ZNF518B: variants seen among roughly 807,000 people sequenced by gnomAD.
ZNF518B encodes the protein zinc finger protein 518B.
In ZNF518B, 23 loss-of-function variants were observed where a neutral mutation model predicts 56.3. The observed-to-expected ratio is 0.41, with a 90% confidence interval of 0.29 to 0.58. ZNF518B has a LOEUF of 0.58. Among genes scored for constraint, ZNF518B ranks in the 20% least tolerant of loss-of-function variants. The pLI, the probability that ZNF518B is intolerant of heterozygous loss-of-function variation, is 0.32. For missense variants in ZNF518B, 1,460 were observed against 1,272.1 expected (o/e 1.15, Z -2.25); for synonymous variants, 529 against 465.9 (o/e 1.14, Z -1.74).
intron 1 of ZNF518B, among the ~76,000 whole-genome samples, chr4:10,456,613 C>G (rs973843421): frequency 6.6e-6 from 1 of 152,192 alleles, no homozygotes; most frequent in East Asian, 1.9e-4. Flanking sequence ...GGCACGCTCC[C>G]CCGATGGCAG....
chr4:10,443,218 CT>C lies in ZNF518B; in HGVS notation c.3110del (p.Lys1037SerfsTer16). ...CATACAGTCGCCCACAAAACCAGCACTTAAATACACACTGTGAAGAATCATC... is the reference window on the plus strand; with the variant it reads ...CATACAGTCGCCCACAAAACCAGCACTAAATACACACTGTGAAGAATCATC... The part of the protein sequence containing the change: ...LPDDSSQCVF[K>X]CWFCGRLYED... On this transcript the variant is annotated frameshift_variant, in exon 3 of 3. Transcript: ENST00000326756. LOFTEE classifies it high-confidence loss of function. The C allele has an allele frequency of 6.2e-7, 1 of 1,614,218 alleles. No homozygotes were observed. The highest frequency in any genetic ancestry group is 8.5e-7 in the Non-Finnish European group (1 of 1,180,024).
upstream of ZNF518B, among the ~76,000 whole-genome samples, chr4:10,459,421 C>A (rs549569062): frequency 6.6e-5 from 10 of 152,020 alleles, no homozygotes; most frequent in African/African-American, 2.2e-4. Context: ...TCTTCTCCAC[C>A]CCCCAGCTTA....
rs755524959 is a variant in ZNF518B, at chr4:10,445,583, C to T, written c.746G>A (p.Arg249Gln). Residue 249 changes from arginine to glutamine, a missense_variant, in exon 3 of 3, where the codon CGG (arginine) becomes CAG (glutamine). Coordinates refer to ENST00000326756, the MANE Select transcript of ZNF518B (RefSeq NM_053042.3). ...NPELLKASNPRTTFQNKWSDQ... is the reference protein window; with the variant it reads ...NPELLKASNPQTTFQNKWSDQ... ...TGACCACTTATTTTGAAATGTAGTC[C>T]GTGGATTGGAAGCTTTTAGAAGCTC... The T allele has an allele frequency of 3.4e-5, 55 of 1,613,954 alleles. No individual in the cohort carries two copies. Among genetic ancestry groups the T allele is most frequent in the Admixed American group, 2.5e-4 (15 of 59,988 alleles).
rs1714688440 is a variant in ZNF518B at position 10,441,711 on chromosome 4, G to C, written c.*1393C>G. 1 of 152,286 alleles carries C rather than the reference G, an allele frequency of 6.6e-6. No individual in the cohort carries two copies. The highest frequency in any genetic ancestry group is 2.4e-5 in the African/African-American group (1 of 41,464). The allele number at this position is 152,286 out of a possible 1,614,324, so 9.4% of individuals were successfully genotyped here. ...CTGACCCAGCCACCTATCTGCCCAAGAGGCTGTGCTTGTGCAGGGGGTGGG... is the reference window on the plus strand; with the variant it reads ...CTGACCCAGCCACCTATCTGCCCAACAGGCTGTGCTTGTGCAGGGGGTGGG... On this transcript the variant is annotated 3_prime_UTR_variant, in exon 3 of 3. Coordinates refer to ENST00000326756, the MANE Select transcript of ZNF518B (RefSeq NM_053042.3).
intron 2 of ZNF518B, among the ~76,000 whole-genome samples, chr4:10,447,028 T>C (rs1039015993): frequency 1.3e-5 from 2 of 152,232 alleles, no homozygotes; most frequent in Non-Finnish European, 2.9e-5. Flanking sequence ...ACCAACTCTC[T>C]CACTTACATG....
upstream of ZNF518B, among the ~76,000 whole-genome samples, chr4:10,458,005 C>G (rs760798446): frequency 1.3e-5 from 2 of 152,116 alleles, no homozygotes; most frequent in Non-Finnish European, 2.9e-5. Context: ...TTGGGCGTTG[C>G]GAGGGTCAGA....
intron 2 of ZNF518B, chr4:10,450,802 G>A (rs1406781322): frequency 6.6e-6 from 1 of 152,182 alleles, no homozygotes; most frequent in Non-Finnish European, 1.5e-5. Flanking sequence ...CTCAACATCT[G>A]TTGCAAAAGC....
chr4:10,459,351 C>A (rs549245460), upstream of ZNF518B, among the ~76,000 whole-genome samples: 1 of 152,052 alleles, frequency 6.6e-6, no homozygotes, highest in African/African-American at 2.4e-5. Flanking sequence ...CCCTAAAAGT[C>A]TTTTGATGCT....
Position 10,440,856 on chromosome 4 carries a change from C to CAAACAAAACA in ZNF518B, c.*2238_*2247dup, listed in dbSNP as rs1004874706. 6 of 151,814 alleles carry CAAACAAAACA rather than the reference C, an allele frequency of 4.0e-5. No homozygotes were observed. The highest frequency in any genetic ancestry group is 5.9e-5 in the Non-Finnish European group (4 of 67,924). 9.4% of individuals were successfully genotyped at this position (151,814 alleles called of 1,614,324 possible). On this transcript the variant is annotated 3_prime_UTR_variant, in exon 3 of 3. Transcript: ENST00000326756. ...TGAGGAATAGGAGATAAAAAAGTGG[C>CAAACAAAACA]AAACAAAACAAAACAAAAAAAAACC...
At chr4:10,461,148 T>TTAC (rs1715730577), upstream of ZNF518B, among the ~76,000 whole-genome samples, 2 of 152,238 alleles carry the variant, frequency 1.3e-5, no homozygotes, top group South Asian at 2.1e-4. Flanking sequence ...CTTGGCCAAG[T>TTAC]TACTGCCAGT....
chr4:10,443,598 G>C lies in ZNF518B; in HGVS notation c.2731C>G (p.Leu911Val), dbSNP rs763471660. 1.2e-6 allele frequency: 2 copies of C among 1,614,200 alleles called. No homozygotes were observed. Among genetic ancestry groups the C allele is most frequent in the South Asian group, 1.1e-5 (1 of 91,084 alleles). ...ACCTGAAAAATTGAAGGATCCTTGA[G>C]ACAGCGGCTAGGTTCAGCTTGAATT... ...NKIQAEPSRC[L>V]KDPSIFQVAR... Residue 911 changes from leucine (L) to valine (V), a missense_variant, in exon 3 of 3, where the codon CTC becomes GTC. By Grantham distance (32) the Leu-to-Val change is conservative. Coordinates refer to ENST00000326756, the MANE Select transcript of ZNF518B (RefSeq NM_053042.3).
chr4:10,446,203 G>C lies in ZNF518B; in HGVS notation c.126C>G (p.Thr42=). 1 of 1,614,176 alleles carries C rather than the reference G, an allele frequency of 6.2e-7. No individual in the cohort carries two copies. The highest frequency in any genetic ancestry group is 8.5e-7 in the Non-Finnish European group (1 of 1,180,040). ...APRPNRQEAQ[T]LLYQGSEAEA... Reference sequence around the variant, plus strand: ...CTGCCTCTGAGCCTTGATACAAAAGGGTTTGTGCTTCTTGTCTATTTGGCC... The same window carrying C: ...CTGCCTCTGAGCCTTGATACAAAAGCGTTTGTGCTTCTTGTCTATTTGGCC... Residue 42 remains threonine, a synonymous_variant, in exon 3 of 3, where the codon ACC becomes ACG. Coordinates refer to ENST00000326756, the MANE Select transcript of ZNF518B (RefSeq NM_053042.3).
upstream of ZNF518B, among the ~76,000 whole-genome samples, chr4:10,461,317 A>G (rs957137334): frequency 6.6e-6 from 1 of 152,098 alleles, no homozygotes; most frequent in Non-Finnish European, 1.5e-5. Flanking sequence ...TGGCCCGCAC[A>G]CTCAGCTCGG....
intron 2 of ZNF518B, among the ~76,000 whole-genome samples, chr4:10,448,060 A>G (rs1715148356): frequency 6.6e-6 from 1 of 152,236 alleles, no homozygotes; most frequent in Non-Finnish European, 1.5e-5. Context: ...CCTTTCTTTC[A>G]TGACTTAAGA....
chr4:10,451,700 A>T (rs1715318779), intron 2 of ZNF518B: 1 of 152,240 alleles, frequency 6.6e-6, no homozygotes. Flanking sequence ...CCCGAAAGAT[A>T]ATTTACCTCT....
In ZNF518B at chr4:10,443,338, C is replaced by T. The variant is rs556935574; in HGVS notation, c.2991G>A (p.Ala997=). 1.1e-4 allele frequency: 173 copies of T among 1,614,168 alleles called. 2 individuals are homozygous for T. In the South Asian group the frequency reaches 1.7e-3, roughly 16 times the overall value. ...GCCTTTTAATTTGACTGGCTTCTTC[C>T]GCATTCTGGTAGGTCAGGCGTACAT... ...RHHVRLTYQN[A]EEASQIKRQM... is the part of the protein sequence containing the mutation. The change falls in exon 3 of 3, where the codon GCG becomes GCA. Residue 997 remains alanine, a synonymous_variant. Coordinates refer to ENST00000326756, the MANE Select transcript of ZNF518B (RefSeq NM_053042.3).
In ZNF518B at chr4:10,444,084, C is replaced by CAAAGTGTGG. The variant is rs1245802522; in HGVS notation, c.2236_2244dup (p.Pro746_Phe748dup). The CAAAGTGTGG allele has an allele frequency of 6.2e-7, 1 of 1,614,082 alleles. No homozygotes were observed. Among genetic ancestry groups the CAAAGTGTGG allele is most frequent in the African/African-American group, 1.3e-5 (1 of 74,916 alleles). ...TTGGTTTTCCTATTACTGCCATCTG[C>CAAAGTGTGG]AAAGTGTGGATATATTTGTTGATGA... On this transcript the variant is annotated inframe_insertion, in exon 3 of 3. Coordinates refer to ENST00000326756, the MANE Select transcript of ZNF518B (RefSeq NM_053042.3).
chr4:10,446,110 A>G lies in ZNF518B; in HGVS notation c.219T>C (p.Asp73=). The change falls in exon 3 of 3, where the codon GAT becomes GAC. Residue 73 remains aspartate, a synonymous_variant. Coordinates refer to ENST00000326756, the MANE Select transcript of ZNF518B (RefSeq NM_053042.3). ...CKSVHKISLQ[D]LQKGTGKDGM... ...CGTCCTTCCCTGTACCCTTCTGCAA[A>G]TCTTGAAGAGAGATCTTGTGAACAC... The G allele has an allele frequency of 6.2e-7, 1 of 1,614,166 alleles. No individual in the cohort carries two copies. Among genetic ancestry groups the G allele is most frequent in the South Asian group, 1.1e-5 (1 of 91,084 alleles).
intron 2 of ZNF518B, among the ~76,000 whole-genome samples, chr4:10,450,061 C>T (rs1474035801): frequency 6.6e-6 from 1 of 152,178 alleles, no homozygotes; most frequent in Non-Finnish European, 1.5e-5. Flanking sequence ...GAGAGCATCC[C>T]AGCCAAGGAA....
Sources: gnomAD v4.1 joint callset for allele counts (sites outside exome capture counted in the v4.1 genomes callset) on GRCh38, gnomAD v4.1.1 for gene constraint, MANE v1.5 for transcripts, NCBI Gene and HGNC (gene_info 2026-07-23, HGNC 2026-07-21) for gene names.